DCDC2C: variants seen among roughly 807,000 people sequenced by gnomAD.
DCDC2C encodes the protein doublecortin domain-containing protein 2C.
Under a neutral mutation model 45.0 loss-of-function variants are expected in DCDC2C, and 44 were observed. The observed-to-expected ratio is 0.98, with a 90% CI of 0.77 to 1.26. DCDC2C has a LOEUF of 1.26. Among genes scored for constraint, DCDC2C ranks in the 50% most tolerant of loss-of-function variants. The probability of loss-of-function intolerance (pLI) is 0.00; values close to 1 mark genes in which losing one functional copy is unlikely to be tolerated. For missense variants in DCDC2C, 447 were observed against 468.9 expected, an observed-to-expected ratio of 0.95 and a Z score of 0.43; for synonymous variants, 187 against 178.8, an observed-to-expected ratio of 1.05 and a Z score of -0.37.
intron 4 of DCDC2C, among the ~76,000 whole-genome samples, chr2:3,751,997 G>T (rs1669556385): frequency 6.6e-6 from 1 of 152,040 alleles, no homozygotes; most frequent in African/African-American, 2.4e-5. Flanking sequence ...TCCCCTCCTC[G>T]CCCTGGCTTC....
At chr2:3,725,569 G>A (rs1468551827) in intron 2 of DCDC2C, among the ~76,000 whole-genome samples, 1 of 147,244 alleles carries the variant, frequency 6.8e-6, no homozygotes, top group Non-Finnish European at 1.5e-5. Flanking sequence ...GGATCCCAGA[G>A]GAAGACGAGC....
chr2:3,776,562 C>T (rs1363824091), intron 8 of DCDC2C, among the ~76,000 whole-genome samples: 1 of 152,212 alleles, frequency 6.6e-6, no homozygotes, highest in African/African-American at 2.4e-5. Context: ...CCTGACTTCC[C>T]TTTTCCCTCT....
intron 2 of DCDC2C, among the ~76,000 whole-genome samples, chr2:3,710,828 T>C (rs1045312529): frequency 4.6e-5 from 7 of 152,208 alleles, no homozygotes; most frequent in African/African-American, 1.7e-4. Context: ...CCACGGTGTA[T>C]ATGTACCACA....
At chr2:3,707,652 C>T (rs992872160) in intron 1 of DCDC2C, among the ~76,000 whole-genome samples, 17 of 152,170 alleles carry the variant, frequency 1.1e-4, no homozygotes, top group Admixed American at 9.2e-4. Context: ...CGTGCATCTC[C>T]GCTATCTGGA....
intron 4 of DCDC2C, among the ~76,000 whole-genome samples, chr2:3,746,471 A>G (rs1261807888): frequency 1.3e-5 from 2 of 152,180 alleles, no homozygotes; most frequent in African/African-American, 4.8e-5. Context: ...AAGTTGCCTG[A>G]GGTTGACAAT....
chr2:3,711,772 T>A lies in DCDC2C; in HGVS notation c.339+3172T>A, dbSNP rs147314631. Among the ~76,000 whole-genome samples the A allele has an allele frequency of 6.1e-3, 931 of 152,344 alleles. 7 individuals carry two copies. Among genetic ancestry groups the A allele is most frequent in the African/African-American group, 0.021 (880 of 41,566 alleles). The stretch of plus-strand genomic sequence containing the variant: ...AAGTTTGTTCACATTAATGATTGCT[T>A]ATAGAGAAGTAGAATTAACACGCAT... On this transcript the variant is annotated intron_variant, in intron 2 of 10. Transcript: ENST00000399143.
intron 3 of DCDC2C, among the ~76,000 whole-genome samples, chr2:3,727,757 C>T (rs1431560279): frequency 2.6e-5 from 4 of 152,200 alleles, no homozygotes; most frequent in East Asian, 1.9e-4. Flanking sequence ...CCCGGCTTTT[C>T]GTCTTATCAG....
At chr2:3,783,806 G>C (rs759408074) in intron 9 of DCDC2C, among the ~76,000 whole-genome samples, 5 of 152,240 alleles carry the variant, frequency 3.3e-5, no homozygotes, top group African/African-American at 7.2e-5. Flanking sequence ...TATTCAGTGA[G>C]TCTCAAAAGG....
At chr2:3,780,273 T>C (rs1197128391) in intron 9 of DCDC2C, among the ~76,000 whole-genome samples, 1 of 152,180 alleles carries the variant, frequency 6.6e-6, no homozygotes, top group Middle Eastern at 3.2e-3. Context: ...GGTGCTCTTA[T>C]GTGAATGGCA....
At chr2:3,774,406 C>G (rs1670271708) in intron 8 of DCDC2C, among the ~76,000 whole-genome samples, 1 of 152,214 alleles carries the variant, frequency 6.6e-6, no homozygotes, top group Non-Finnish European at 1.5e-5. Context: ...TGGGGTTGGC[C>G]CCCTCGAGCC....
chr2:3,746,411 A>G (rs1412971332), intron 4 of DCDC2C, among the ~76,000 whole-genome samples: 1 of 152,170 alleles, frequency 6.6e-6, no homozygotes, highest in African/African-American at 2.4e-5. Flanking sequence ...CACTCTAAGA[A>G]AGGAATGACG....
chr2:3,710,538 A>T (rs6542650), intron 2 of DCDC2C, among the ~76,000 whole-genome samples: 70,261 of 151,966 alleles, frequency 0.46, 16,919 homozygotes, highest in African/African-American at 0.58. Context: ...GTACATTGTG[A>T]GATGCTGAGG....
chr2:3,828,939 GTTAT>G (rs139227720), intron 10 of DCDC2C, among the ~76,000 whole-genome samples: 13,133 of 152,192 alleles, frequency 0.086, 997 homozygotes, highest in East Asian at 0.43. Context: ...TTTTGTTGAA[GTTAT>G]TTTTGTTTGT....
chr2:3,742,587 C>CCTAA (rs1314358767), intron 4 of DCDC2C, among the ~76,000 whole-genome samples: 1 of 152,140 alleles, frequency 6.6e-6, no homozygotes, highest in African/African-American at 2.4e-5. Context: ...TGGGCACATT[C>CCTAA]CTAACTCCTC....
intron 10 of DCDC2C, among the ~76,000 whole-genome samples, chr2:3,840,718 GA>G (rs1672191116): frequency 6.6e-6 from 1 of 152,196 alleles, no homozygotes; most frequent in Admixed American, 6.5e-5. Context: ...ACCTCAGCAA[GA>G]GTAAAAAAGT....
intron 10 of DCDC2C, among the ~76,000 whole-genome samples, chr2:3,831,859 G>A (rs1671959385): frequency 2.0e-5 from 3 of 152,224 alleles, no homozygotes; most frequent in Admixed American, 2.0e-4. Context: ...GTGTTGTGAT[G>A]TTGAATGAGA....
intron 2 of DCDC2C, among the ~76,000 whole-genome samples, chr2:3,726,770 C>T (rs556158698): frequency 3.5e-4 from 54 of 152,272 alleles, no homozygotes; most frequent in African/African-American, 1.1e-3. Context: ...CCATGTGCAG[C>T]GCAGAGCCCT....
Position 3,750,625 on chromosome 2 carries a change from G to A in DCDC2C, c.546-2138G>A, listed in dbSNP as rs549896172. ...TGGTCCTGTCCTGCCGGGCGGTATG[G>A]CCAGGTCTTTCTCCCCAGTGCCTTT... On this transcript the variant is annotated intron_variant, in intron 4 of 10. Coordinates refer to ENST00000399143, the MANE Select transcript of DCDC2C (RefSeq NM_001287444.2). Among the ~76,000 whole-genome samples, 165 of 152,230 alleles carry A rather than the reference G, an allele frequency of 1.1e-3. 1 individual carries two copies. Among genetic ancestry groups the A allele is most frequent in the Middle Eastern group, 6.8e-3 (2 of 294 alleles).
At chr2:3,764,420 C>G (rs1669963496) in intron 6 of DCDC2C, among the ~76,000 whole-genome samples, 1 of 152,216 alleles carries the variant, frequency 6.6e-6, no homozygotes, top group Non-Finnish European at 1.5e-5. Context: ...GGTTCATCAA[C>G]AAGCTCTATT....
Sources: allele counts gnomAD v4.1 joint callset (sites outside exome capture counted in the v4.1 genomes callset), GRCh38; gene constraint gnomAD v4.1.1; transcripts MANE v1.5; gene names NCBI Gene and HGNC (gene_info 2026-07-23, HGNC 2026-07-21).